Variants in HDAC9 observed in about 807,000 individuals in gnomAD.
The protein encoded by HDAC9 is histone deacetylase 9.
HDAC9 carries 41 observed loss-of-function variants against 139.4 expected under a neutral mutation model. The ratio of observed to expected loss-of-function variants is 0.29; its 90% CI spans 0.23 to 0.38. The LOEUF is 0.38. Among genes scored for constraint, HDAC9 ranks in the 10% least tolerant of loss-of-function variants. The pLI, the probability that HDAC9 is intolerant of heterozygous loss-of-function variation, is 1.00. For synonymous variants in HDAC9, 517 were observed against 476.2 expected, an observed-to-expected ratio of 1.09 and a Z score of -1.12; for missense variants, 1,147 against 1,297.0, an observed-to-expected ratio of 0.88 and a Z score of 1.78.
chr7:18,227,471 A>G (rs1240403697), intron 2 of HDAC9, among the ~76,000 whole-genome samples: 1 of 152,188 alleles, frequency 6.6e-6, no homozygotes, highest in African/African-American at 2.4e-5. Context: ...ATGATCACAC[A>G]CAAAGTGATT....
At chr7:18,837,089 G>A (rs1208452216) in intron 21 of HDAC9, among the ~76,000 whole-genome samples, 1 of 151,580 alleles carries the variant, frequency 6.6e-6, no homozygotes, top group Admixed American at 6.6e-5. Flanking sequence ...GAGAAAGCAG[G>A]TCCAGGAAAA....
intron 1 of HDAC9, among the ~76,000 whole-genome samples, chr7:18,314,939 A>G (rs911957440): frequency 6.6e-6 from 1 of 152,218 alleles, no homozygotes; most frequent in African/African-American, 2.4e-5. Flanking sequence ...AGCAAGGAAC[A>G]GTGAGAAATA....
intron 1 of HDAC9, among the ~76,000 whole-genome samples, chr7:18,150,436 A>C (rs1786689539): frequency 6.6e-6 from 1 of 152,336 alleles, no homozygotes; most frequent in Non-Finnish European, 1.5e-5. Flanking sequence ...TTGTATTGAC[A>C]AAGTGAATTG....
chr7:18,752,355 C>G (rs532257509), intron 14 of HDAC9, among the ~76,000 whole-genome samples: 1 of 152,042 alleles, frequency 6.6e-6, no homozygotes, highest in Non-Finnish European at 1.5e-5. Context: ...TATCTGCCCA[C>G]TGAAGTTCAC....
chr7:18,892,865 A>C (rs758764393), intron 22 of HDAC9, among the ~76,000 whole-genome samples: 3 of 151,954 alleles, frequency 2.0e-5, no homozygotes, highest in Admixed American at 6.6e-5. Flanking sequence ...CTTGATAGAG[A>C]GATGTGATTT....
At chr7:18,674,445 C>G (rs1035409665) in intron 12 of HDAC9, among the ~76,000 whole-genome samples, 1 of 152,036 alleles carries the variant, frequency 6.6e-6, no homozygotes, top group Non-Finnish European at 1.5e-5. Flanking sequence ...TGTGATTTCT[C>G]TAGCCCTTCT....
At chr7:18,973,427 T>C (rs1372953103) in intron 24 of HDAC9, among the ~76,000 whole-genome samples, 1 of 152,208 alleles carries the variant, frequency 6.6e-6, no homozygotes, top group African/African-American at 2.4e-5. Context: ...TATGTACTTA[T>C]AGATGGTATA....
intron 1 of HDAC9, among the ~76,000 whole-genome samples, chr7:18,475,649 G>A (rs1795058374): frequency 6.6e-6 from 1 of 152,082 alleles, no homozygotes. Context: ...TTATACATCA[G>A]ATCTCCAAAA....
chr7:18,775,441 G>C (rs745336786), intron 16 of HDAC9, among the ~76,000 whole-genome samples: 12 of 152,054 alleles, frequency 7.9e-5, no homozygotes, highest in Non-Finnish European at 1.6e-4. Context: ...CTGACGATCT[G>C]TAAGCACTTC....
intron 2 of HDAC9, among the ~76,000 whole-genome samples, chr7:18,275,068 A>C (rs1428246515): frequency 6.6e-6 from 1 of 152,246 alleles, no homozygotes; most frequent in African/African-American, 2.4e-5. Context: ...GTAGCCTTCT[A>C]GAATGGCCAG....
intron 25 of HDAC9, among the ~76,000 whole-genome samples, chr7:18,979,343 A>G (rs1264467687): frequency 2.0e-5 from 3 of 152,134 alleles, no homozygotes; most frequent in Non-Finnish European, 4.4e-5. Context: ...CCATTATTAA[A>G]TATACATTCA....
exon 1 of HDAC9, chr7:18,087,118 C>T (rs1583956820): frequency 6.6e-6 from 1 of 152,164 alleles, no homozygotes. Flanking sequence ...CTCTTCTCCT[C>T]CTCGAAAGAT....
intron 2 of HDAC9, among the ~76,000 whole-genome samples, chr7:18,212,495 C>T (rs1472247015): frequency 6.6e-6 from 1 of 152,104 alleles, no homozygotes; most frequent in East Asian, 1.9e-4. Flanking sequence ...AGATGTGAGT[C>T]CTGGCTGTAT....
At chr7:18,247,612 A>G (rs1319606983) in intron 2 of HDAC9, among the ~76,000 whole-genome samples, 1 of 152,214 alleles carries the variant, frequency 6.6e-6, no homozygotes, top group Non-Finnish European at 1.5e-5. Flanking sequence ...AAATGAGGGC[A>G]GTACCCCCTT....
At chr7:18,954,685 A>G (rs947518284) in intron 24 of HDAC9, among the ~76,000 whole-genome samples, 1 of 152,102 alleles carries the variant, frequency 6.6e-6, no homozygotes, top group African/African-American at 2.4e-5. Flanking sequence ...GTTAAGTCAT[A>G]GACTTTTTTT....
intron 2 of HDAC9, among the ~76,000 whole-genome samples, chr7:18,560,803 G>A (rs950925519): frequency 5.9e-5 from 9 of 152,146 alleles, no homozygotes; most frequent in African/African-American, 2.2e-4. Context: ...AGCTCCCCTG[G>A]AATCAGAGAG....
chr7:18,771,098 G>C (rs1206218807), intron 16 of HDAC9, among the ~76,000 whole-genome samples: 1 of 152,140 alleles, frequency 6.6e-6, no homozygotes, highest in Admixed American at 6.6e-5. Flanking sequence ...AATCCCCTAA[G>C]AGGACTGAGG....
chr7:18,973,824 G>A (rs1391573662), intron 24 of HDAC9, among the ~76,000 whole-genome samples: 2 of 152,100 alleles, frequency 1.3e-5, no homozygotes, highest in African/African-American at 4.8e-5. Flanking sequence ...TTCCCACTTG[G>A]ACTTTTGCCA....
intron 1 of HDAC9, among the ~76,000 whole-genome samples, chr7:18,444,214 C>T (rs1218953671): frequency 6.6e-6 from 1 of 151,722 alleles, no homozygotes; most frequent in Non-Finnish European, 1.5e-5. Flanking sequence ...TGGCGTGTGT[C>T]TGTAGTCCCA....
Sources: gnomAD v4.1 joint callset for allele counts (sites outside exome capture counted in the v4.1 genomes callset) on GRCh38, gnomAD v4.1.1 for gene constraint, MANE v1.5 for transcripts, NCBI Gene and HGNC (gene_info 2026-07-23, HGNC 2026-07-21) for gene names.